The following ENOX1 variants were observed in gnomAD, a reference collection of about 807,000 sequenced individuals.
ENOX1 encodes candidate growth-related and time keeping constitutive hydroquinone (NADH) oxidase.
ENOX1 carries 42 observed loss-of-function variants against 82.5 expected under a neutral mutation model. That is an observed-to-expected ratio of 0.51 (90% CI 0.40 to 0.66). ENOX1 has a LOEUF of 0.66. ENOX1 is among the 30% of genes least tolerant of loss of function. The pLI is 0.00. For missense variants in ENOX1, 608 were observed against 811.6 expected (o/e 0.75, Z 3.05); for synonymous variants, 271 against 282.2 (o/e 0.96, Z 0.40).
chr13:43,592,621 T>A (rs1429773194), intron 2 of ENOX1, among the ~76,000 whole-genome samples: 1 of 152,194 alleles, frequency 6.6e-6, no homozygotes, highest in South Asian at 2.1e-4. Flanking sequence ...TTGGTATAGA[T>A]TTTTCTATGC....
At chr13:43,569,594 A>G (rs1272777837) in intron 2 of ENOX1, among the ~76,000 whole-genome samples, 2 of 152,096 alleles carry the variant, frequency 1.3e-5, no homozygotes, top group African/African-American at 4.8e-5. Flanking sequence ...ATGAAGAGGC[A>G]GATTGAGACG....
At chr13:43,715,319 C>A (rs892168207) in intron 1 of ENOX1, among the ~76,000 whole-genome samples, 3 of 152,054 alleles carry the variant, frequency 2.0e-5, no homozygotes, top group African/African-American at 7.2e-5. Flanking sequence ...GGTAACCCGA[C>A]CTTTCTCTCT....
intron 16 of ENOX1, among the ~76,000 whole-genome samples, chr13:43,216,314 T>C (rs553507501): frequency 8.5e-5 from 13 of 152,370 alleles, no homozygotes; most frequent in African/African-American, 2.9e-4. Context: ...TTCAGGTGTG[T>C]AATAGAAGTC....
At chr13:43,231,497 G>T (rs914099493) in intron 15 of ENOX1, among the ~76,000 whole-genome samples, 3 of 152,156 alleles carry the variant, frequency 2.0e-5, no homozygotes, top group African/African-American at 7.2e-5. Context: ...ATCTTGTATG[G>T]TTGGTTAGTT....
chr13:43,471,771 C>A (rs976670549), intron 3 of ENOX1, among the ~76,000 whole-genome samples: 1 of 142,922 alleles, frequency 7.0e-6, no homozygotes, highest in Non-Finnish European at 1.5e-5. Flanking sequence ...GATTGTGCCA[C>A]TGTGCTCCAG....
At chr13:43,335,698 G>A (rs1289176532) in intron 9 of ENOX1, among the ~76,000 whole-genome samples, 1 of 141,652 alleles carries the variant, frequency 7.1e-6, no homozygotes, top group East Asian at 2.3e-4. Flanking sequence ...TATTATTAAA[G>A]ATTTTTTTAA....
Position 43,610,709 on chromosome 13 carries a change from TTC to T in ENOX1, c.-219+56768_-219+56769del, listed in dbSNP as rs757953292. 1.5e-3 allele frequency among the ~76,000 whole-genome samples: 218 copies of T among 150,344 alleles called. 1 individual carries two copies. Among genetic ancestry groups the T allele is most frequent in the Non-Finnish European group, 2.3e-3 (155 of 67,736 alleles). ...CAAAGTTACAAAATAGATTTCAAAG[TTC>T]TTTTATTTACTTTCATGTTGTTAAA... On this transcript the variant is annotated intron_variant, in intron 2 of 16. Coordinates refer to ENST00000690772, the MANE Select transcript of ENOX1 (RefSeq NM_001347969.2).
At chr13:43,393,862 T>C (rs565472964) in intron 5 of ENOX1, among the ~76,000 whole-genome samples, 79 of 151,710 alleles carry the variant, frequency 5.2e-4, no homozygotes, top group Non-Finnish European at 8.0e-4. Flanking sequence ...TGGTGGGAGG[T>C]GTTTGGGTCA....
intron 12 of ENOX1, among the ~76,000 whole-genome samples, chr13:43,289,942 A>G (rs2045907171): frequency 1.3e-5 from 2 of 149,550 alleles, no homozygotes; most frequent in Admixed American, 6.7e-5. Context: ...TCAAAAGAAG[A>G]CACACAAATG....
intron 2 of ENOX1, among the ~76,000 whole-genome samples, chr13:43,585,982 G>C (rs1353944483): frequency 1.3e-5 from 2 of 152,198 alleles, no homozygotes; most frequent in Non-Finnish European, 2.9e-5. Flanking sequence ...ATCAAATCAG[G>C]CTAATTAGAA....
intron 3 of ENOX1, among the ~76,000 whole-genome samples, chr13:43,428,161 A>C (rs945689462): frequency 6.6e-6 from 1 of 152,180 alleles, no homozygotes; most frequent in Non-Finnish European, 1.5e-5. Flanking sequence ...ATCTGGGCAA[A>C]CCAGCAGAAA....
At chr13:43,475,216 C>A (rs1045910101) in intron 3 of ENOX1, among the ~76,000 whole-genome samples, 1 of 152,072 alleles carries the variant, frequency 6.6e-6, no homozygotes, top group Non-Finnish European at 1.5e-5. Context: ...GATATCAGTA[C>A]CACTACAGAA....
intron 9 of ENOX1, among the ~76,000 whole-genome samples, chr13:43,342,716 T>A (rs1442157095): frequency 1.3e-5 from 2 of 152,196 alleles, no homozygotes; most frequent in African/African-American, 4.8e-5. Flanking sequence ...CAACACAACG[T>A]CCAACATTCA....
In ENOX1 at chr13:43,665,633, T is replaced by C. The variant is rs549701673; in HGVS notation, c.-219+1846A>G. Among the ~76,000 whole-genome samples the C allele has an allele frequency of 8.5e-5, 13 of 152,066 alleles. No individual in the cohort carries two copies. In the East Asian group the frequency reaches 2.3e-3, roughly 27 times the overall value. On this transcript the variant is annotated intron_variant, in intron 2 of 16. Coordinates refer to ENST00000690772, the MANE Select transcript of ENOX1 (RefSeq NM_001347969.2). ...ATACTGATAGAGGCGGCATGTAAATTGGCAGTTCAACCTGCGATGCCAACA... is the reference window on the plus strand; with the variant it reads ...ATACTGATAGAGGCGGCATGTAAATCGGCAGTTCAACCTGCGATGCCAACA...
intron 3 of ENOX1, among the ~76,000 whole-genome samples, chr13:43,461,430 TCAC>T (rs1297520838): frequency 1.3e-5 from 2 of 152,366 alleles, no homozygotes; most frequent in South Asian, 2.1e-4. Flanking sequence ...TGAACATCAA[TCAC>T]CACCATCTAT....
At chr13:43,568,893 T>G (rs886136070) in intron 2 of ENOX1, among the ~76,000 whole-genome samples, 1 of 152,158 alleles carries the variant, frequency 6.6e-6, no homozygotes, top group African/African-American at 2.4e-5. Context: ...TGAGCAGAAT[T>G]CTGAGGCTGA....
chr13:43,753,903 TC>T (rs1397338911), intron 1 of ENOX1, among the ~76,000 whole-genome samples: 2 of 146,362 alleles, frequency 1.4e-5, no homozygotes, highest in African/African-American at 2.5e-5. Context: ...TTTTTCCTTA[TC>T]CAATTACGAC....
chr13:43,300,998 G>GTTT lies in ENOX1; in HGVS notation c.1262-2471_1262-2469dup, dbSNP rs140133871. 5.5e-3 allele frequency among the ~76,000 whole-genome samples: 837 copies of GTTT among 152,274 alleles called. 3 individuals carry two copies. Among genetic ancestry groups the GTTT allele is most frequent in the Non-Finnish European group, 9.5e-3 (645 of 68,000 alleles). On this transcript the variant is annotated intron_variant, in intron 11 of 16. Coordinates refer to ENST00000690772, the MANE Select transcript of ENOX1 (RefSeq NM_001347969.2). ...TGAGATACCACCTCCTGACAGCTCC[G>GTTT]TTTACCAAGCCATAAGGAAATGGTT...
In ENOX1 at chr13:43,213,842, G is replaced by C. The variant is rs566141095; in HGVS notation, c.*148C>G. The C allele has an allele frequency of 1.4e-6, 1 of 739,430 alleles. No individual in the cohort carries two copies. Among genetic ancestry groups the C allele is most frequent in the South Asian group, 2.6e-5 (1 of 39,036 alleles). The allele number at this position is 739,430 out of a possible 1,614,324, so 45.8% of individuals were successfully genotyped here. On this transcript the variant is annotated 3_prime_UTR_variant, in exon 17 of 17. Transcript: ENST00000690772. ...TACACAATTACATTTCCACTTACAAGAGAACGCCACAGATATAACTAAAGG... is the reference window on the plus strand; with the variant it reads ...TACACAATTACATTTCCACTTACAACAGAACGCCACAGATATAACTAAAGG...
Sources: allele counts gnomAD v4.1 joint callset (sites outside exome capture counted in the v4.1 genomes callset), GRCh38; gene constraint gnomAD v4.1.1; transcripts MANE v1.5; gene names NCBI Gene and HGNC (gene_info 2026-07-23, HGNC 2026-07-21).